Variants in ADGRL2 observed in about 807,000 individuals in gnomAD.
ADGRL2 encodes the protein adhesion G protein-coupled receptor L2.
Under a neutral mutation model 157.4 loss-of-function variants are expected in ADGRL2, and 44 were observed. The ratio of observed to expected loss-of-function variants is 0.28; its 90% CI spans 0.22 to 0.36. ADGRL2 has a LOEUF of 0.36. Ranked by LOEUF, ADGRL2 falls within the 10% of genes least tolerant of loss-of-function variation. ADGRL2 has a pLI of 1.00. For missense variants in ADGRL2, 1,510 were observed against 1,768.9 expected (o/e 0.85, Z 2.63); for synonymous variants, 585 against 624.7 (o/e 0.94, Z 0.95).
chr1:81,551,383 T>C (rs2080142312), intron 2 of ADGRL2, among the ~76,000 whole-genome samples: 1 of 152,194 alleles, frequency 6.6e-6, no homozygotes, highest in Non-Finnish European at 1.5e-5. Context: ...AAGGATTTAT[T>C]ATACTTTGAT....
intron 1 of ADGRL2, among the ~76,000 whole-genome samples, chr1:81,827,527 C>G (rs1016401134): frequency 6.6e-6 from 1 of 152,212 alleles, no homozygotes. Context: ...CCCGAACACT[C>G]TAAGGTATAC....
intron 2 of ADGRL2, among the ~76,000 whole-genome samples, chr1:81,772,814 T>C (rs895373467): frequency 3.3e-5 from 5 of 152,196 alleles, no homozygotes; most frequent in Non-Finnish European, 7.3e-5. Flanking sequence ...GTAAAACATA[T>C]GTTTATAGCT....
chr1:81,447,372 AGGATTG>A (rs1302601313), intron 2 of ADGRL2, among the ~76,000 whole-genome samples: 1 of 152,202 alleles, frequency 6.6e-6, no homozygotes, highest in Non-Finnish European at 1.5e-5. Flanking sequence ...TCAGAAATTC[AGGATTG>A]TTTTATGTGA....
chr1:81,592,665 A>C (rs2081154800), intron 3 of ADGRL2, among the ~76,000 whole-genome samples: 2 of 152,174 alleles, frequency 1.3e-5, no homozygotes. Context: ...GAGAGGGCAA[A>C]GGAAGAAAGC....
At chr1:81,526,156 G>C (rs187853558) in intron 2 of ADGRL2, among the ~76,000 whole-genome samples, 1 of 152,116 alleles carries the variant, frequency 6.6e-6, no homozygotes, top group Non-Finnish European at 1.5e-5. Flanking sequence ...AGCTTATTTT[G>C]TCTCCTTGTA....
rs1355703444 is a variant in ADGRL2 at position 81,505,447 on chromosome 1, C to T, written c.-248+60358C>T. 4.6e-5 allele frequency among the ~76,000 whole-genome samples: 7 copies of T among 150,888 alleles called. No individual in the cohort carries two copies. The South Asian group carries it at 1.5e-3, about 32-fold the overall frequency. On this transcript the variant is annotated intron_variant, in intron 2 of 24. Coordinates refer to the ADGRL2 transcript ENST00000370721. Reference sequence around the variant, plus strand: ...GCAGGGAAAGCACACTGTGTCTTTCCGGTCATTGGATCCTCTCCCTTTCCC... The same window carrying T: ...GCAGGGAAAGCACACTGTGTCTTTCTGGTCATTGGATCCTCTCCCTTTCCC...
At chr1:81,754,817 C>T (rs890766075) in intron 1 of ADGRL2, among the ~76,000 whole-genome samples, 2 of 151,440 alleles carry the variant, frequency 1.3e-5, no homozygotes, top group Non-Finnish European at 2.9e-5. Flanking sequence ...TTTCTTTGTG[C>T]CTCTTTTTCT....
At chr1:81,329,034 G>T (rs575685952) in intron 1 of ADGRL2, among the ~76,000 whole-genome samples, 4 of 151,738 alleles carry the variant, frequency 2.6e-5, no homozygotes, top group Non-Finnish European at 4.4e-5. Context: ...CCAATTAACA[G>T]TAGTAACTTA....
intron 3 of ADGRL2, among the ~76,000 whole-genome samples, chr1:81,668,201 T>C (rs891068209): frequency 5.9e-5 from 9 of 152,026 alleles, no homozygotes; most frequent in African/African-American, 2.2e-4. Flanking sequence ...GTGGGGCGGA[T>C]CACACACGAG....
intron 2 of ADGRL2, among the ~76,000 whole-genome samples, chr1:81,843,127 T>A (rs12032615): frequency 0.22 from 33,644 of 152,014 alleles, 5,029 homozygotes; most frequent in East Asian, 0.68. Flanking sequence ...ATGAATTTTT[T>A]AAAAATTACT....
chr1:81,988,635 G>A (rs929199434), intron 23 of ADGRL2, among the ~76,000 whole-genome samples: 1 of 152,082 alleles, frequency 6.6e-6, no homozygotes, highest in Non-Finnish European at 1.5e-5. Context: ...TAGAAGTTGG[G>A]ACAGTCTTTA....
chr1:81,782,379 A>G (rs1462339945), intron 2 of ADGRL2, among the ~76,000 whole-genome samples: 1 of 152,214 alleles, frequency 6.6e-6, no homozygotes, highest in Non-Finnish European at 1.5e-5. Flanking sequence ...AGTATAATAT[A>G]TTAATGAGGG....
chr1:81,455,811 G>A (rs541344419), intron 2 of ADGRL2, among the ~76,000 whole-genome samples: 1 of 152,324 alleles, frequency 6.6e-6, no homozygotes, highest in Admixed American at 6.5e-5. Context: ...TGGAGTTAGA[G>A]TGGTGATTTT....
chr1:81,733,656 C>T (rs969111768), intron 1 of ADGRL2, among the ~76,000 whole-genome samples: 3 of 152,084 alleles, frequency 2.0e-5, no homozygotes, highest in Non-Finnish European at 2.9e-5. Flanking sequence ...ATGTGGGGGA[C>T]GGGGCACAAT....
In ADGRL2 at chr1:81,993,081, ATATATATTTTTTTTTTTTT is replaced by A. The variant is rs1664875518; in HGVS notation, c.*1938_*1956del. Reference sequence around the variant, plus strand: ...TACATATATATATATATATATATATATATATATTTTTTTTTTTTTTTTTTTTTTTTTTTTTTTTGGGACA... The same window carrying A: ...TACATATATATATATATATATATATATTTTTTTTTTTTTTTTTTTGGGACA... On this transcript the variant is annotated 3_prime_UTR_variant, in exon 24 of 24. Coordinates refer to ENST00000686636, the MANE Select transcript of ADGRL2 (RefSeq NM_001366006.2). Among the ~76,000 whole-genome samples, 1 of 29,146 alleles carries A rather than the reference ATATATATTTTTTTTTTTTT, an allele frequency of 3.4e-5. No homozygotes were observed. The highest frequency in any genetic ancestry group is 5.7e-5 in the Non-Finnish European group (1 of 17,574). 19.1% of individuals were successfully genotyped at this position (29,146 alleles called of 152,430 possible).
chr1:81,914,778 AG>A (rs2094816187), intron 3 of ADGRL2, among the ~76,000 whole-genome samples: 1 of 152,202 alleles, frequency 6.6e-6, no homozygotes, highest in African/African-American at 2.4e-5. Flanking sequence ...CTCTGTGGCC[AG>A]TCTACTAATA....
chr1:81,871,822 T>C (rs2093703169), intron 2 of ADGRL2, among the ~76,000 whole-genome samples: 1 of 152,238 alleles, frequency 6.6e-6, no homozygotes, highest in Non-Finnish European at 1.5e-5. Context: ...TTGTAGATTC[T>C]GGATATTAGT....
intron 1 of ADGRL2, among the ~76,000 whole-genome samples, chr1:81,823,064 T>A (rs1176961628): frequency 6.6e-6 from 1 of 151,930 alleles, no homozygotes; most frequent in Non-Finnish European, 1.5e-5. Context: ...AATTAAAAAA[T>A]AGTCTGGCAT....
intron 1 of ADGRL2, among the ~76,000 whole-genome samples, chr1:81,374,360 T>C (rs1049508363): frequency 6.6e-6 from 1 of 151,952 alleles, no homozygotes; most frequent in Non-Finnish European, 1.5e-5. Flanking sequence ...TCACCTGAGG[T>C]CAGGAGTTCG....
Sources: gnomAD v4.1 joint callset for allele counts (sites outside exome capture counted in the v4.1 genomes callset) on GRCh38, gnomAD v4.1.1 for gene constraint, MANE v1.5 for transcripts, NCBI Gene and HGNC (gene_info 2026-07-23, HGNC 2026-07-21) for gene names.